Variants in KIAA1671 observed in about 807,000 individuals in gnomAD.
KIAA1671 encodes uncharacterized protein KIAA1671.
KIAA1671 carries 52 observed loss-of-function variants against 131.2 expected under a neutral mutation model. The ratio of observed to expected loss-of-function variants is 0.40; its 90% CI spans 0.32 to 0.50. KIAA1671 has a LOEUF of 0.50. Among genes scored for constraint, KIAA1671 ranks in the 20% least tolerant of loss-of-function variants. The probability of loss-of-function intolerance (pLI) is 0.73; values close to 1 mark genes in which losing one functional copy is unlikely to be tolerated. For synonymous variants in KIAA1671, 1,003 were observed against 961.6 expected, an observed-to-expected ratio of 1.04 and a Z score of -0.80; for missense variants, 2,360 against 2,364.2, an observed-to-expected ratio of 1.00 and a Z score of 0.04.
At chr22:25,157,801 T>G (rs1601366475) in intron 6 of KIAA1671, among the ~76,000 whole-genome samples, 1 of 126,860 alleles carries the variant, frequency 7.9e-6, no homozygotes, top group African/African-American at 4.8e-5. Context: ...CTGCACATAG[T>G]TTTTTTTTTT....
At chr22:25,019,092 GTT>G (rs1491221489) in intron 1 of KIAA1671, among the ~76,000 whole-genome samples, 9 of 136,414 alleles carry the variant, frequency 6.6e-5, no homozygotes, top group Non-Finnish European at 1.3e-4. Context: ...GTGTGTGTGT[GTT>G]TTAATTAAGT....
intron 6 of KIAA1671, among the ~76,000 whole-genome samples, chr22:25,085,783 AAGGGAGGG>A (rs201721547): frequency 0.019 from 2,053 of 107,420 alleles, 20 homozygotes; most frequent in Middle Eastern, 0.063. Context: ...GGAAGGGAGG[AAGGGAGGG>A]AGGGAGGGAG....
At chr22:25,110,542 G>C (rs774269953) in intron 6 of KIAA1671, among the ~76,000 whole-genome samples, 6 of 152,192 alleles carry the variant, frequency 3.9e-5, no homozygotes, top group Non-Finnish European at 8.8e-5. Flanking sequence ...TGTAAAAGTA[G>C]TGGGGTTGGG....
At chr22:25,172,169 G>A (rs1933872165) in intron 7 of KIAA1671, among the ~76,000 whole-genome samples, 1 of 152,036 alleles carries the variant, frequency 6.6e-6, no homozygotes, top group Non-Finnish European at 1.5e-5. Flanking sequence ...GGAAACCCAG[G>A]TCTTGGTTTT....
chr22:25,131,589 G>A (rs928184029), intron 6 of KIAA1671, among the ~76,000 whole-genome samples: 1 of 152,236 alleles, frequency 6.6e-6, no homozygotes, highest in Non-Finnish European at 1.5e-5. Context: ...GTCACCCTGG[G>A]AAGCCATTCA....
intron 1 of KIAA1671, chr22:25,013,027 G>T (rs543673029): frequency 6.6e-6 from 1 of 152,364 alleles, no homozygotes; most frequent in African/African-American, 2.4e-5. Flanking sequence ...GAGAGTGGAG[G>T]GGTGTATCCT....
rs1489276848 is a variant in KIAA1671, at chr22:25,029,116, G to T, written c.1117G>T (p.Gly373Cys). 34 of 1,468,086 alleles carry T rather than the reference G, an allele frequency of 2.3e-5. No homozygotes were observed. Among genetic ancestry groups the T allele is most frequent in the Non-Finnish European group, 2.8e-5 (31 of 1,108,850 alleles). 90.9% of individuals were successfully genotyped at this position (1,468,086 alleles called of 1,614,324 possible). A position where few individuals can be genotyped will look rare whatever the true frequency, so the allele number is the denominator to read the frequency against. Residue 373 changes from glycine (G) to cysteine (C), a missense_variant, in exon 3 of 13, where the codon GGC becomes TGC. Physicochemically the swap from Gly to Cys is radical, Grantham distance 159 (BLOSUM62 -3). Around this residue, in one of 3 missense-constraint regions of KIAA1671, gnomAD observed 1,185 missense variants for 1,126.2 expected, o/e 1.05. Transcript: ENST00000358431. ...EMGSPRALVGGSSGVTPSNDQ... is the reference protein window; with the variant it reads ...EMGSPRALVGCSSGVTPSNDQ... ...GGGCAGCCCCAGAGCCCTGGTGGGG[G>T]GCTCATCTGGGGTCACCCCCAGCAA...
intron 9 of KIAA1671, among the ~76,000 whole-genome samples, chr22:25,180,295 C>T (rs1021188956): frequency 6.6e-6 from 1 of 152,218 alleles, no homozygotes; most frequent in Non-Finnish European, 1.5e-5. Context: ...AATCCCAACA[C>T]TTTGGGAGGC....
intron 6 of KIAA1671, among the ~76,000 whole-genome samples, chr22:25,108,906 G>C (rs1931176202): frequency 6.6e-6 from 1 of 152,164 alleles, no homozygotes; most frequent in Admixed American, 6.5e-5. Context: ...TGGAGCATCT[G>C]CTTCCATAGT....
chr22:25,025,043 A>C (rs1925858913), intron 1 of KIAA1671, among the ~76,000 whole-genome samples: 1 of 151,982 alleles, frequency 6.6e-6, no homozygotes, highest in South Asian at 2.1e-4. Flanking sequence ...CTGAGGAGGC[A>C]TTTGGAGGGC....
intron 1 of KIAA1671, among the ~76,000 whole-genome samples, chr22:25,022,064 G>A (rs1329676567): frequency 1.3e-5 from 2 of 151,838 alleles, no homozygotes; most frequent in African/African-American, 2.4e-5. Flanking sequence ...CTGAGCCACC[G>A]TGCCTGGCCC....
Position 25,041,050 on chromosome 22 carries a change from G to C in KIAA1671, c.3920G>C (p.Arg1307Thr). ...CTGCCACCCTCGGCTCCTTCTGAAA[G>C]GTATCCAGGGGGCTCTCCTATACCT... ...WALPPSAPSE[R>T]YPGGSPIPAD... is the part of the protein sequence containing the mutation. Residue 1307 changes from arginine to threonine, a missense_variant, in exon 5 of 13, where the codon AGG (arginine) becomes ACG (threonine). Physicochemically the swap from Arg to Thr is moderately conservative, Grantham distance 71. Around this residue, in one of 3 missense-constraint regions of KIAA1671, gnomAD observed 1,161 missense variants for 1,204.7 expected, o/e 0.96. Coordinates refer to ENST00000358431, the MANE Select transcript of KIAA1671 (RefSeq NM_001145206.2). 1.3e-6 allele frequency: 2 copies of C among 1,510,792 alleles called. No individual in the cohort carries two copies. Among genetic ancestry groups the C allele is most frequent in the Non-Finnish European group, 1.8e-6 (2 of 1,128,258 alleles). 93.6% of individuals were successfully genotyped at this position (1,510,792 alleles called of 1,614,324 possible). A position where few individuals can be genotyped will look rare whatever the true frequency, so the allele number is the denominator to read the frequency against.
At chr22:25,054,069 C>T (rs9608357) in intron 6 of KIAA1671, 30,748 of 146,110 alleles carry the variant, frequency 0.21, 3,789 homozygotes, top group Middle Eastern at 0.29. Flanking sequence ...ATTAGACTGG[C>T]GTGGTGTTGC....
intron 6 of KIAA1671, among the ~76,000 whole-genome samples, chr22:25,075,117 C>A (rs1929034841): frequency 1.3e-5 from 2 of 152,126 alleles, no homozygotes; most frequent in Admixed American, 6.5e-5. Flanking sequence ...AACTAAACTC[C>A]AGACTAAATT....
chr22:25,112,347 C>T (rs1931406026), intron 6 of KIAA1671: 2 of 398,970 alleles, frequency 5.0e-6, no homozygotes, highest in South Asian at 1.3e-4. Flanking sequence ...CGTACTTCCT[C>T]CTTCCGACAC....
chr22:25,141,507 C>T (rs1932807171), intron 6 of KIAA1671, among the ~76,000 whole-genome samples: 1 of 152,182 alleles, frequency 6.6e-6, no homozygotes, highest in Non-Finnish European at 1.5e-5. Flanking sequence ...GCTGGGATTA[C>T]AGGTGTGAGC....
intron 6 of KIAA1671, among the ~76,000 whole-genome samples, chr22:25,091,346 C>T (rs1327541902): frequency 6.6e-6 from 1 of 152,154 alleles, no homozygotes. Flanking sequence ...GCATGAGCCA[C>T]CGTACCTGGC....
intron 6 of KIAA1671, among the ~76,000 whole-genome samples, chr22:25,116,526 A>G (rs544002009): frequency 6.6e-6 from 1 of 151,758 alleles, no homozygotes; most frequent in Non-Finnish European, 1.5e-5. Context: ...GGTTCAAGCA[A>G]TTCTCCTGCC....
At chr22:24,993,989 G>A (rs1923974700) in intron 1 of KIAA1671, among the ~76,000 whole-genome samples, 1 of 152,034 alleles carries the variant, frequency 6.6e-6, no homozygotes, top group South Asian at 2.1e-4. Flanking sequence ...ACTGAGGCAG[G>A]AGAATCGCTT....
Sources: allele counts gnomAD v4.1 joint callset (sites outside exome capture counted in the v4.1 genomes callset), GRCh38; gene constraint gnomAD v4.1.1; regional missense constraint gnomAD v4.1.1; transcripts MANE v1.5; gene names NCBI Gene and HGNC (gene_info 2026-07-23, HGNC 2026-07-21).